The following DLG2 variants were observed in gnomAD, a reference collection of about 807,000 sequenced individuals.
DLG2 encodes discs large MAGUK scaffold protein 2, also known as disks large homolog 2.
A neutral mutation model predicts 132.5 loss-of-function variants in DLG2; 45 were observed. That is an observed-to-expected ratio of 0.34 (90% CI 0.27 to 0.44). The LOEUF is 0.44. Ranked by LOEUF, DLG2 falls within the 20% of genes least tolerant of loss-of-function variation. DLG2 has a pLI of 1.00. For synonymous variants in DLG2, 424 were observed against 419.6 expected (o/e 1.01, Z -0.13); for missense variants, 1,045 against 1,196.9 (o/e 0.87, Z 1.87).
chr11:85,395,863 G>C (rs1269364354), intron 3 of DLG2, among the ~76,000 whole-genome samples: 1 of 152,192 alleles, frequency 6.6e-6, no homozygotes, highest in African/African-American at 2.4e-5. Flanking sequence ...GCAGCAGACA[G>C]CTTCTGCAGA....
At chr11:83,840,914 C>G (rs116776476) in intron 16 of DLG2, among the ~76,000 whole-genome samples, 1,636 of 152,270 alleles carry the variant, frequency 0.011, 30 homozygotes, top group African/African-American at 0.038. Flanking sequence ...TTCTCCCATT[C>G]TGTAATACCC....
At chr11:83,736,427 T>A (rs2091902431) in intron 18 of DLG2, among the ~76,000 whole-genome samples, 1 of 140,416 alleles carries the variant, frequency 7.1e-6, no homozygotes, top group African/African-American at 3.0e-5. Context: ...TGTTCTGAAA[T>A]GCATTTTTTA....
intron 5 of DLG2, among the ~76,000 whole-genome samples, chr11:85,128,478 C>T (rs888044118): frequency 1.3e-5 from 2 of 152,088 alleles, no homozygotes; most frequent in South Asian, 2.1e-4. Context: ...ATTTACTTTT[C>T]GCAGTTCCAC....
chr11:85,613,186 C>T (rs2081118110), intron 2 of DLG2, among the ~76,000 whole-genome samples: 2 of 152,128 alleles, frequency 1.3e-5, no homozygotes, highest in African/African-American at 4.8e-5. Context: ...GCCTTTGGGC[C>T]CTGTATTTTT....
intron 7 of DLG2, among the ~76,000 whole-genome samples, chr11:84,336,439 G>C (rs1489917463): frequency 2.0e-5 from 3 of 152,086 alleles, no homozygotes; most frequent in African/African-American, 7.2e-5. Flanking sequence ...TGCCATAAAA[G>C]AGCTCCTACT....
chr11:85,512,866 T>C (rs2094105303), intron 3 of DLG2, among the ~76,000 whole-genome samples: 1 of 152,040 alleles, frequency 6.6e-6, no homozygotes, highest in African/African-American at 2.4e-5. Context: ...AAATAAACTG[T>C]TCTAACAAAA....
At chr11:83,472,185 C>T (rs1404653314) in intron 23 of DLG2, among the ~76,000 whole-genome samples, 4 of 152,086 alleles carry the variant, frequency 2.6e-5, no homozygotes, top group South Asian at 4.1e-4. Flanking sequence ...TACTTTGCTA[C>T]AGTTTCTAGA....
chr11:84,303,927 T>C (rs2098186123), intron 7 of DLG2, among the ~76,000 whole-genome samples: 1 of 152,192 alleles, frequency 6.6e-6, no homozygotes, highest in Admixed American at 6.5e-5. Flanking sequence ...CCTGTATTAA[T>C]ATACATTCAG....
intron 3 of DLG2, among the ~76,000 whole-genome samples, chr11:85,349,788 C>A (rs1018402936): frequency 1.3e-5 from 2 of 152,148 alleles, no homozygotes; most frequent in African/African-American, 2.4e-5. Context: ...ATATGTGCCA[C>A]ATTTTCTCAA....
At chr11:84,299,435 A>T (rs1471208395) in intron 7 of DLG2, among the ~76,000 whole-genome samples, 1 of 152,184 alleles carries the variant, frequency 6.6e-6, no homozygotes, top group Admixed American at 6.5e-5. Context: ...AATATTTGAA[A>T]CACTCTGGAT....
chr11:84,752,801 G>A (rs1597340672), intron 6 of DLG2, among the ~76,000 whole-genome samples: 2 of 135,648 alleles, frequency 1.5e-5, no homozygotes, highest in South Asian at 2.3e-4. Flanking sequence ...TCCCACCTAT[G>A]AGTGAGAATA....
At chr11:85,387,730 A>G (rs770716055) in intron 3 of DLG2, among the ~76,000 whole-genome samples, 2 of 152,344 alleles carry the variant, frequency 1.3e-5, no homozygotes, top group South Asian at 2.1e-4. Context: ...TTGAAGAGGG[A>G]CATATCACTC....
chr11:84,642,416 A>G (rs2099668602), intron 6 of DLG2, among the ~76,000 whole-genome samples: 1 of 152,136 alleles, frequency 6.6e-6, no homozygotes, highest in Admixed American at 6.5e-5. Flanking sequence ...ATATTTTGCT[A>G]TAATGAGAAA....
intron 5 of DLG2, among the ~76,000 whole-genome samples, chr11:85,130,036 T>A (rs577313364): frequency 6.6e-6 from 1 of 152,000 alleles, no homozygotes; most frequent in East Asian, 1.9e-4. Context: ...GAGGGGAGCA[T>A]CACACACCGG....
At chr11:85,352,860 G>C (rs934034647) in intron 3 of DLG2, among the ~76,000 whole-genome samples, 3 of 152,186 alleles carry the variant, frequency 2.0e-5, no homozygotes, top group Admixed American at 1.3e-4. Flanking sequence ...AGACTTAAAT[G>C]TTAGACCAAA....
chr11:84,714,611 TTCTCTTTCTC>T (rs2060932944), intron 6 of DLG2, among the ~76,000 whole-genome samples: 6 of 93,510 alleles, frequency 6.4e-5, no homozygotes, highest in African/African-American at 2.8e-4. Flanking sequence ...CTCTTTCTCT[TTCTCTTTCTC>T]TTTCTCTCTC....
chr11:85,366,799 C>T (rs953578034), intron 3 of DLG2, among the ~76,000 whole-genome samples: 3 of 152,114 alleles, frequency 2.0e-5, no homozygotes, highest in Non-Finnish European at 2.9e-5. Flanking sequence ...TCTCTGTTAA[C>T]ATATTCTCAT....
At chr11:84,473,231 T>A (rs2099113137) in intron 7 of DLG2, among the ~76,000 whole-genome samples, 1 of 152,172 alleles carries the variant, frequency 6.6e-6, no homozygotes, top group Non-Finnish European at 1.5e-5. Context: ...TCTCTAAGAA[T>A]GTGGCTCTGG....
At chr11:83,786,198 T>C (rs761599090) in intron 18 of DLG2, among the ~76,000 whole-genome samples, 8 of 152,120 alleles carry the variant, frequency 5.3e-5, no homozygotes, top group Non-Finnish European at 1.0e-4. Context: ...TGGTTTACAG[T>C]GATTTATTTC....
Sources: gnomAD v4.1 joint callset for allele counts (sites outside exome capture counted in the v4.1 genomes callset) on GRCh38, gnomAD v4.1.1 for gene constraint, MANE v1.5 for transcripts, NCBI Gene and HGNC (gene_info 2026-07-23, HGNC 2026-07-21) for gene names.